MDGA2: variants seen among roughly 807,000 people sequenced by gnomAD.
The protein encoded by MDGA2 is MAM domain-containing glycosylphosphatidylinositol anchor protein 2.
In MDGA2, 40 loss-of-function variants were observed where a neutral mutation model predicts 117.8. The observed-to-expected ratio is 0.34, with a 90% confidence interval of 0.26 to 0.44. MDGA2 has a LOEUF of 0.44. Ranked by LOEUF, MDGA2 falls within the 20% of genes least tolerant of loss-of-function variation. The pLI, the probability that MDGA2 is intolerant of heterozygous loss-of-function variation, is 1.00. For missense variants in MDGA2, 1,123 were observed against 1,250.6 expected (o/e 0.90, Z 1.54); for synonymous variants, 452 against 439.0 (o/e 1.03, Z -0.37).
At chr14:47,217,564 G>A (rs1046064769) in intron 3 of MDGA2, among the ~76,000 whole-genome samples, 10 of 151,692 alleles carry the variant, frequency 6.6e-5, no homozygotes, top group Admixed American at 3.9e-4. Flanking sequence ...TCATTTACAG[G>A]CCAATTCATA....
Position 47,241,351 on chromosome 14 carries a change from T to A in MDGA2, c.421-23156A>T, listed in dbSNP as rs368646997. 3.3e-4 allele frequency among the ~76,000 whole-genome samples: 50 copies of A among 151,914 alleles called. 1 individual carries two copies. The highest frequency in any genetic ancestry group is 1.2e-3 in the African/African-American group (48 of 41,496). On this transcript the variant is annotated intron_variant, in intron 2 of 16. Transcript: ENST00000399232. ...GCACTTTTAGATAAACATCCAAACA[T>A]CCTCATATTGCCTCAGGCTATTTTC... is the stretch of plus-strand genomic sequence containing the variant.
intron 8 of MDGA2, among the ~76,000 whole-genome samples, chr14:47,002,981 G>T (rs1887584426): frequency 6.6e-6 from 1 of 151,990 alleles, no homozygotes; most frequent in African/African-American, 2.4e-5. Context: ...CATGCTCCTT[G>T]GTAATCCATT....
At chr14:47,140,636 A>C (rs1882678402) in intron 4 of MDGA2, among the ~76,000 whole-genome samples, 1 of 152,152 alleles carries the variant, frequency 6.6e-6, no homozygotes, top group Non-Finnish European at 1.5e-5. Context: ...CACATGCAGA[A>C]AAGTAAAGCT....
intron 1 of MDGA2, among the ~76,000 whole-genome samples, chr14:47,534,128 T>C (rs1895158176): frequency 6.6e-6 from 1 of 152,242 alleles, no homozygotes; most frequent in African/African-American, 2.4e-5. Context: ...TCAATAGAAG[T>C]TCAAAGACAG....
At chr14:46,892,429 C>T (rs992046763) in intron 10 of MDGA2, among the ~76,000 whole-genome samples, 1 of 151,896 alleles carries the variant, frequency 6.6e-6, no homozygotes, top group East Asian at 1.9e-4. Flanking sequence ...ATGGAAGCCC[C>T]TTGGTATTGG....
intron 1 of MDGA2, among the ~76,000 whole-genome samples, chr14:47,331,019 C>T (rs1238091489): frequency 1.3e-5 from 2 of 151,816 alleles, no homozygotes; most frequent in East Asian, 3.9e-4. Context: ...GAGTAGGCTG[C>T]TTTTATCAGT....
At chr14:47,124,368 T>C (rs919725145) in intron 5 of MDGA2, among the ~76,000 whole-genome samples, 11 of 152,172 alleles carry the variant, frequency 7.2e-5, no homozygotes, top group South Asian at 2.1e-4. Context: ...TCCTTTAGAG[T>C]TGTGTTCTTT....
intron 1 of MDGA2, among the ~76,000 whole-genome samples, chr14:47,565,172 G>A (rs192141338): frequency 6.6e-6 from 1 of 152,316 alleles, no homozygotes; most frequent in Non-Finnish European, 1.5e-5. Flanking sequence ...CAGTCATTTG[G>A]AGGTGAGAAG....
intron 1 of MDGA2, among the ~76,000 whole-genome samples, chr14:47,376,142 G>A (rs1891473289): frequency 6.6e-6 from 1 of 152,100 alleles, no homozygotes; most frequent in Non-Finnish European, 1.5e-5. Flanking sequence ...CCCAAAGCAT[G>A]TTCATCAGTC....
chr14:46,889,380 T>G (rs1018515206), intron 10 of MDGA2, among the ~76,000 whole-genome samples: 1 of 152,052 alleles, frequency 6.6e-6, no homozygotes, highest in East Asian at 1.9e-4. Flanking sequence ...ATCCAGAAAT[T>G]TATAAGTTTT....
chr14:47,492,436 T>C (rs765657402), intron 1 of MDGA2, among the ~76,000 whole-genome samples: 12 of 152,090 alleles, frequency 7.9e-5, no homozygotes, highest in Non-Finnish European at 1.3e-4. Flanking sequence ...GAGTTTATAA[T>C]GAGTGCTCAT....
intron 7 of MDGA2, among the ~76,000 whole-genome samples, chr14:47,059,667 T>C (rs1184819048): frequency 6.6e-6 from 1 of 152,128 alleles, no homozygotes; most frequent in Non-Finnish European, 1.5e-5. Context: ...GTATATAAAC[T>C]GTGCTCCCAT....
intron 11 of MDGA2, among the ~76,000 whole-genome samples, chr14:46,878,564 A>G (rs1300246690): frequency 6.6e-6 from 1 of 152,086 alleles, no homozygotes; most frequent in Non-Finnish European, 1.5e-5. Flanking sequence ...TAACAGAGTA[A>G]CTTTTTCAAT....
At chr14:47,114,840 C>G (rs1361423523) in intron 5 of MDGA2, among the ~76,000 whole-genome samples, 2 of 151,856 alleles carry the variant, frequency 1.3e-5, no homozygotes, top group Non-Finnish European at 2.9e-5. Context: ...CTAGGCAATA[C>G]CTTTTGGAAC....
intron 1 of MDGA2, among the ~76,000 whole-genome samples, chr14:47,550,423 C>A (rs557426726): frequency 6.6e-6 from 1 of 152,058 alleles, no homozygotes; most frequent in South Asian, 2.1e-4. Flanking sequence ...TCACTTATTT[C>A]GGAATCAACA....
chr14:47,169,834 A>C (rs1295378538), intron 3 of MDGA2, among the ~76,000 whole-genome samples: 1 of 152,092 alleles, frequency 6.6e-6, no homozygotes, highest in East Asian at 1.9e-4. Context: ...CTACTGATTA[A>C]AGGTTTTTAA....
chr14:47,611,240 G>C (rs1896842357), intron 1 of MDGA2, among the ~76,000 whole-genome samples: 1 of 152,038 alleles, frequency 6.6e-6, no homozygotes, highest in African/African-American at 2.4e-5. Flanking sequence ...CCTAAGACCT[G>C]AAACTATAAA....
intron 1 of MDGA2, among the ~76,000 whole-genome samples, chr14:47,523,695 T>C (rs920232501): frequency 6.6e-6 from 1 of 152,160 alleles, no homozygotes; most frequent in Non-Finnish European, 1.5e-5. Context: ...ACTCCAGGCC[T>C]GTCTGCCTGC....
intron 5 of MDGA2, among the ~76,000 whole-genome samples, chr14:47,125,317 CTAAGA>C (rs1229122967): frequency 3.9e-5 from 6 of 151,966 alleles, no homozygotes; most frequent in African/African-American, 1.5e-4. Flanking sequence ...ATTTATATAA[CTAAGA>C]TATTTTCTTT....
Sources: allele counts gnomAD v4.1 joint callset (sites outside exome capture counted in the v4.1 genomes callset), GRCh38; gene constraint gnomAD v4.1.1; transcripts MANE v1.5; gene names NCBI Gene and HGNC (gene_info 2026-07-23, HGNC 2026-07-21).